Variants in ASXL3 observed in about 807,000 individuals in gnomAD.
ASXL3 encodes the protein putative Polycomb group protein ASXL3.
Under a neutral mutation model 170.6 loss-of-function variants are expected in ASXL3, and 34 were observed. The observed-to-expected ratio is 0.20, with a 90% CI of 0.15 to 0.27. ASXL3 has a LOEUF of 0.27. Among genes scored for constraint, ASXL3 ranks in the 10% least tolerant of loss-of-function variants. The probability of loss-of-function intolerance (pLI) is 1.00; values close to 1 mark genes in which losing one functional copy is unlikely to be tolerated. For synonymous variants in ASXL3, 1,002 were observed against 989.1 expected (o/e 1.01, Z -0.24); for missense variants, 2,592 against 2,695.3 (o/e 0.96, Z 0.85).
intron 1 of ASXL3, among the ~76,000 whole-genome samples, chr18:33,589,690 G>A (rs2065062028): frequency 6.6e-6 from 1 of 152,060 alleles, no homozygotes. Context: ...TAGTGTCATA[G>A]CCTCCTTTTA....
intron 1 of ASXL3, among the ~76,000 whole-genome samples, chr18:33,597,275 TA>T (rs2065136553): frequency 6.6e-6 from 1 of 152,090 alleles, no homozygotes; most frequent in Non-Finnish European, 1.5e-5. Context: ...GGTGTACATG[TA>T]TATGTACACC....
intron 8 of ASXL3, among the ~76,000 whole-genome samples, chr18:33,724,625 A>G (rs1023459642): frequency 6.6e-6 from 1 of 152,126 alleles, no homozygotes; most frequent in Non-Finnish European, 1.5e-5. Flanking sequence ...AAAGTGTGGG[A>G]AATACTGTAT....
intron 2 of ASXL3, chr18:33,614,902 C>G (rs1481723896): frequency 6.6e-6 from 1 of 151,878 alleles, no homozygotes; most frequent in Non-Finnish European, 1.5e-5. Flanking sequence ...GATGTGGTGT[C>G]ATGCATGCTT....
intron 8 of ASXL3, among the ~76,000 whole-genome samples, chr18:33,709,271 A>G (rs2067015275): frequency 6.6e-6 from 1 of 151,750 alleles, no homozygotes; most frequent in Non-Finnish European, 1.5e-5. Context: ...CCCTAGGTTT[A>G]TACCTAATGG....
intron 7 of ASXL3, among the ~76,000 whole-genome samples, chr18:33,676,910 C>A (rs1387532700): frequency 6.6e-6 from 1 of 152,122 alleles, no homozygotes; most frequent in Non-Finnish European, 1.5e-5. Context: ...TTTAAAAATT[C>A]TTTAGTAATA....
chr18:33,617,627 A>G (rs2065447343), intron 2 of ASXL3, among the ~76,000 whole-genome samples: 1 of 152,182 alleles, frequency 6.6e-6, no homozygotes, highest in Non-Finnish European at 1.5e-5. Context: ...CCACTAAGCT[A>G]TGCAATTATA....
intron 2 of ASXL3, chr18:33,614,721 C>T (rs1276474611): frequency 1.3e-5 from 2 of 152,234 alleles, no homozygotes; most frequent in East Asian, 1.9e-4. Context: ...TAGATGTTAT[C>T]TTAGCAGGTA....
At chr18:33,578,737 C>A in intron 1 of ASXL3, 52 bp downstream of exon 1, 1 of 1,092,150 alleles carries the variant, frequency 9.2e-7, no homozygotes, top group Non-Finnish European at 1.1e-6. Context: ...CCCCGCCGCT[C>A]GCCCCGCGCC....
chr18:33,713,248 GTTTTTTTTT>G (rs1226619353), intron 8 of ASXL3, among the ~76,000 whole-genome samples: 1 of 65,086 alleles, frequency 1.5e-5, no homozygotes, highest in Non-Finnish European at 2.9e-5. Context: ...GTTTTGTTTT[GTTTTTTTTT>G]TTTTTTTTTT....
chr18:33,655,823 G>T (rs2066074554), intron 4 of ASXL3, among the ~76,000 whole-genome samples: 1 of 151,926 alleles, frequency 6.6e-6, no homozygotes, highest in Non-Finnish European at 1.5e-5. Context: ...GTGTTTATTT[G>T]CCATTTGGGG....
chr18:33,614,338 AC>A (rs2065385680), intron 2 of ASXL3: 1 of 152,114 alleles, frequency 6.6e-6, no homozygotes, highest in Admixed American at 6.6e-5. Flanking sequence ...TATAAGAAGC[AC>A]CTCCTGACCT....
At chr18:33,709,128 A>G (rs1043317196) in intron 8 of ASXL3, among the ~76,000 whole-genome samples, 11 of 152,218 alleles carry the variant, frequency 7.2e-5, no homozygotes, top group African/African-American at 2.7e-4. Flanking sequence ...CATAAATATA[A>G]AAAGCAAATA....
At chr18:33,613,405 T>C (rs2065369292) in intron 2 of ASXL3, among the ~76,000 whole-genome samples, 1 of 152,044 alleles carries the variant, frequency 6.6e-6, no homozygotes, top group Admixed American at 6.6e-5. Context: ...CGACTGCAGT[T>C]TATAGTAGCA....
chr18:33,624,894 A>T (rs975784824), intron 2 of ASXL3, among the ~76,000 whole-genome samples: 2 of 152,202 alleles, frequency 1.3e-5, no homozygotes, highest in African/African-American at 4.8e-5. Context: ...GGATTTTTCC[A>T]TTATACTGAA....
At chr18:33,714,292 A>G (rs962613279) in intron 8 of ASXL3, among the ~76,000 whole-genome samples, 4 of 152,182 alleles carry the variant, frequency 2.6e-5, no homozygotes, top group African/African-American at 9.6e-5. Flanking sequence ...ATTTCAGCAC[A>G]GCACGTTGCC....
chr18:33,629,607 A>T (rs913597024), intron 2 of ASXL3, among the ~76,000 whole-genome samples: 2 of 151,724 alleles, frequency 1.3e-5, no homozygotes, highest in African/African-American at 4.8e-5. Flanking sequence ...TCTCTTTTCT[A>T]CCCCGATTAC....
At chr18:33,695,874 C>T (rs564683037) in intron 8 of ASXL3, among the ~76,000 whole-genome samples, 14 of 152,250 alleles carry the variant, frequency 9.2e-5, no homozygotes, top group Admixed American at 7.9e-4. Flanking sequence ...CTAATATTTA[C>T]ATAATTCTCT....
chr18:33,742,843 T>G lies in ASXL3; in HGVS notation c.3040-45T>G, dbSNP rs74515078. 1.4e-3 allele frequency: 2,082 copies of G among 1,529,408 alleles called. 25 individuals are homozygous for G. The East Asian group carries it at 0.021, about 16-fold the overall frequency. 94.7% of individuals were successfully genotyped at this position (1,529,408 alleles called of 1,614,324 possible). A position where few individuals can be genotyped will look rare whatever the true frequency, so the allele number is the denominator to read the frequency against. ...CACATTCTACGTGCCTCCTCTGTGA[T>G]CATGTATGAAGCACATTATATTTTT... On this transcript the variant is annotated intron_variant, in intron 11 of 11. Transcript: ENST00000269197.
chr18:33,644,084 T>G (rs533975925), intron 2 of ASXL3, among the ~76,000 whole-genome samples: 2 of 152,106 alleles, frequency 1.3e-5, no homozygotes, highest in South Asian at 4.1e-4. Flanking sequence ...ACTTTATATT[T>G]TATAAACATC....
Sources: allele counts gnomAD v4.1 joint callset (sites outside exome capture counted in the v4.1 genomes callset), GRCh38; gene constraint gnomAD v4.1.1; transcripts MANE v1.5; gene names NCBI Gene and HGNC (gene_info 2026-07-23, HGNC 2026-07-21).